The following RORB variants were observed in gnomAD, a reference collection of about 807,000 sequenced individuals.
RORB encodes nuclear receptor ROR-beta.
In RORB, 6 loss-of-function variants were observed where a neutral mutation model predicts 59.1. The ratio of observed to expected loss-of-function variants is 0.10; its 90% CI spans 0.06 to 0.20. RORB has a LOEUF of 0.20. Among genes scored for constraint, RORB ranks in the 10% least tolerant of loss-of-function variants. RORB has a pLI of 1.00. For missense variants in RORB, 320 were observed against 560.5 expected (o/e 0.57, Z 4.33); for synonymous variants, 215 against 204.5 (o/e 1.05, Z -0.44).
intron 8 of RORB, 48 bp downstream of exon 8, chr9:74,667,949 A>G (rs890549645): frequency 1.4e-5 from 16 of 1,182,862 alleles, no homozygotes; most frequent in African/African-American, 6.0e-5. Context: ...TTGTTTTACT[A>G]TTTTTAACAC....
intron 1 of RORB, among the ~76,000 whole-genome samples, chr9:74,513,433 T>C (rs1439173414): frequency 6.6e-6 from 1 of 152,078 alleles, no homozygotes; most frequent in Non-Finnish European, 1.5e-5. Context: ...CAATAACTTT[T>C]GCACCAACCT....
chr9:74,636,711 C>T (rs1368360384), intron 3 of RORB, among the ~76,000 whole-genome samples: 1 of 152,074 alleles, frequency 6.6e-6, no homozygotes, highest in African/African-American at 2.4e-5. Context: ...TTCAAAAATG[C>T]CTCCTAAGCA....
chr9:74,521,522 G>A (rs552377666), intron 1 of RORB, among the ~76,000 whole-genome samples: 3 of 151,874 alleles, frequency 2.0e-5, no homozygotes, highest in African/African-American at 7.2e-5. Flanking sequence ...TTTAAAATAA[G>A]TCTTCACAGT....
At chr9:74,537,168 T>C (rs1826333350) in intron 1 of RORB, among the ~76,000 whole-genome samples, 1 of 152,064 alleles carries the variant, frequency 6.6e-6, no homozygotes, top group South Asian at 2.1e-4. Flanking sequence ...TTTTCTAGAA[T>C]GTCATGGTGC....
chr9:74,539,300 T>G (rs984655556), intron 1 of RORB, among the ~76,000 whole-genome samples: 1 of 152,206 alleles, frequency 6.6e-6, no homozygotes, highest in Non-Finnish European at 1.5e-5. Flanking sequence ...CATTAAGATT[T>G]CATTTAGATG....
chr9:74,624,884 T>C (rs1823484429), intron 1 of RORB, among the ~76,000 whole-genome samples: 2 of 152,200 alleles, frequency 1.3e-5, no homozygotes, highest in Non-Finnish European at 2.9e-5. Flanking sequence ...ATTAAGAGAT[T>C]TAATTGCACT....
intron 5 of RORB, 129 bp from the exon 6 acceptor site, chr9:74,662,345 A>C: frequency 1.1e-6 from 1 of 884,254 alleles, no homozygotes; most frequent in African/African-American, 1.7e-5. Context: ...TCCTTTTTTA[A>C]AGGAATCATA....
intron 1 of RORB, among the ~76,000 whole-genome samples, chr9:74,572,076 G>C (rs546131693): frequency 6.6e-6 from 1 of 152,038 alleles, no homozygotes; most frequent in Non-Finnish European, 1.5e-5. Flanking sequence ...ATTAATTTGC[G>C]ACTCTTGCTA....
At chr9:74,636,714 C>T (rs1823709524) in intron 3 of RORB, among the ~76,000 whole-genome samples, 1 of 152,046 alleles carries the variant, frequency 6.6e-6, no homozygotes, top group Admixed American at 6.6e-5. Flanking sequence ...AAAAATGCCT[C>T]CTAAGCACAT....
In RORB at chr9:74,660,671, T is replaced by C; in HGVS notation, c.692T>C (p.Met231Thr). 1.2e-6 allele frequency: 2 copies of C among 1,613,926 alleles called. No homozygotes were observed. The highest frequency in any genetic ancestry group is 2.2e-5 in the South Asian group (2 of 91,048). Residue 231 changes from methionine to threonine, a missense_variant, in exon 5 of 10, where the codon ATG becomes ACG. Met to Thr is a moderately conservative substitution (Grantham distance 81). Coordinates refer to ENST00000376896, the MANE Select transcript of RORB (RefSeq NM_006914.4). ...CATTTGGAGACATGTCAATACACCATGGAAGAGCTGCACCAGCTGGCGTGG... is the reference window on the plus strand; with the variant it reads ...CATTTGGAGACATGTCAATACACCACGGAAGAGCTGCACCAGCTGGCGTGG... Reference protein sequence around the residue: ...KSHLETCQYTMEELHQLAWQT... With the variant: ...KSHLETCQYTTEELHQLAWQT...
At chr9:74,520,779 T>C (rs1826075234) in intron 1 of RORB, among the ~76,000 whole-genome samples, 1 of 152,030 alleles carries the variant, frequency 6.6e-6, no homozygotes, top group South Asian at 2.1e-4. Flanking sequence ...GTGGTTCTGT[T>C]GATCTTGCAT....
At chr9:74,539,701 G>C (rs1026099047) in intron 1 of RORB, among the ~76,000 whole-genome samples, 2 of 152,004 alleles carry the variant, frequency 1.3e-5, no homozygotes, top group Non-Finnish European at 2.9e-5. Flanking sequence ...AATAAAGCTG[G>C]ATAAGGGAAT....
intron 3 of RORB, among the ~76,000 whole-genome samples, chr9:74,637,237 CT>C (rs1405578023): frequency 1.3e-5 from 2 of 152,168 alleles, no homozygotes; most frequent in African/African-American, 4.8e-5. Context: ...CATTTGCTCT[CT>C]GTCAATTAGG....
chr9:74,583,872 G>A (rs1822759729), intron 1 of RORB, among the ~76,000 whole-genome samples: 1 of 152,238 alleles, frequency 6.6e-6, no homozygotes, highest in Non-Finnish European at 1.5e-5. Flanking sequence ...CCTCTATAAA[G>A]CAGAATTCAG....
At chr9:74,518,555 G>T (rs545684079) in intron 1 of RORB, among the ~76,000 whole-genome samples, 2 of 152,040 alleles carry the variant, frequency 1.3e-5, no homozygotes, top group African/African-American at 2.4e-5. Context: ...TGCAGCCTGC[G>T]CAAGTCACCT....
intron 1 of RORB, among the ~76,000 whole-genome samples, chr9:74,532,804 G>GTA (rs1491192432): frequency 3.5e-5 from 5 of 143,916 alleles, no homozygotes; most frequent in South Asian, 2.1e-4. Flanking sequence ...ACATAGATAC[G>GTA]TATATATATA....
At chr9:74,646,394 G>A (rs1823899548) in intron 4 of RORB, among the ~76,000 whole-genome samples, 1 of 152,080 alleles carries the variant, frequency 6.6e-6, no homozygotes. Flanking sequence ...ATCCCAAAAA[G>A]TCAGTTTTTG....
chr9:74,578,847 C>A (rs751999979), intron 1 of RORB, among the ~76,000 whole-genome samples: 1 of 152,096 alleles, frequency 6.6e-6, no homozygotes, highest in Non-Finnish European at 1.5e-5. Flanking sequence ...TGCACAAGTT[C>A]TGATTGCCAG....
chr9:74,631,746 A>C (rs953444147), intron 2 of RORB, among the ~76,000 whole-genome samples: 2 of 152,198 alleles, frequency 1.3e-5, no homozygotes, highest in African/African-American at 4.8e-5. Flanking sequence ...GAATATCGTG[A>C]GATGTTCTTC....
Sources: allele counts gnomAD v4.1 joint callset (sites outside exome capture counted in the v4.1 genomes callset), GRCh38; gene constraint gnomAD v4.1.1; transcripts MANE v1.5; gene names NCBI Gene and HGNC (gene_info 2026-07-23, HGNC 2026-07-21).